Variants in NEURL1 observed in about 807,000 individuals in gnomAD.
The protein encoded by NEURL1 is neuralized E3 ubiquitin protein ligase 1.
Under a neutral mutation model 41.2 loss-of-function variants are expected in NEURL1, and 26 were observed. That is an observed-to-expected ratio of 0.63 (90% confidence interval 0.46 to 0.87). The LOEUF (loss-of-function observed/expected upper bound fraction) is 0.87. NEURL1 is among the 40% of genes least tolerant of loss of function. The pLI, the probability that NEURL1 is intolerant of heterozygous loss-of-function variation, is 0.00. For synonymous variants in NEURL1, 400 were observed against 402.3 expected (o/e 0.99, Z 0.07); for missense variants, 761 against 871.1 (o/e 0.87, Z 1.59).
intron 1 of NEURL1, among the ~76,000 whole-genome samples, chr10:103,533,090 C>T (rs904759207): frequency 6.6e-6 from 1 of 151,632 alleles, no homozygotes; most frequent in African/African-American, 2.4e-5. Flanking sequence ...CCATGCCTGG[C>T]TATTTTTTTT....
At chr10:103,536,530 G>A (rs1374237708) in intron 1 of NEURL1, among the ~76,000 whole-genome samples, 1 of 152,148 alleles carries the variant, frequency 6.6e-6, no homozygotes, top group East Asian at 1.9e-4. Flanking sequence ...GGTGACAAGA[G>A]CGAAACTGCA....
At chr10:103,513,519 G>A (rs1219404866) in intron 1 of NEURL1, among the ~76,000 whole-genome samples, 1 of 152,252 alleles carries the variant, frequency 6.6e-6, no homozygotes, top group African/African-American at 2.4e-5. Context: ...GCCCCTGCCA[G>A]GTTCACAGAC....
chr10:103,505,066 A>T (rs200245573), intron 1 of NEURL1, among the ~76,000 whole-genome samples: 7 of 81,580 alleles, frequency 8.6e-5, no homozygotes, highest in South Asian at 4.3e-4. Flanking sequence ...TTTTTTTTTT[A>T]AAGAAACAAA....
chr10:103,531,635 G>A (rs1223741725), intron 1 of NEURL1, among the ~76,000 whole-genome samples: 1 of 151,458 alleles, frequency 6.6e-6, no homozygotes, highest in Non-Finnish European at 1.5e-5. Flanking sequence ...TTGGGCTCAA[G>A]TGATCCTCCT....
At chr10:103,537,443 A>G (rs1391352305) in intron 1 of NEURL1, among the ~76,000 whole-genome samples, 3 of 152,144 alleles carry the variant, frequency 2.0e-5, no homozygotes, top group African/African-American at 7.2e-5. Flanking sequence ...TGTGTCACCC[A>G]GGCTGGAGTG....
At chr10:103,550,065 A>G (rs2035002519) in intron 1 of NEURL1, among the ~76,000 whole-genome samples, 1 of 152,176 alleles carries the variant, frequency 6.6e-6, no homozygotes, top group East Asian at 1.9e-4. Context: ...TCTATTCCCC[A>G]GTGAATTTGT....
At chr10:103,526,561 G>T (rs1205249233) in intron 1 of NEURL1, among the ~76,000 whole-genome samples, 3 of 151,934 alleles carry the variant, frequency 2.0e-5, no homozygotes, top group Non-Finnish European at 4.4e-5. Flanking sequence ...ACTCAGGCTG[G>T]AGTGCAGTGG....
Position 103,584,686 on chromosome 10 carries a change from C to G in NEURL1, c.800C>G (p.Pro267Arg). The G allele has an allele frequency of 7.0e-7, 1 of 1,432,078 alleles. No homozygotes were observed. The allele number at this position is 1,432,078 out of a possible 1,614,324, so 88.7% of individuals were successfully genotyped here. A position where few individuals can be genotyped will look rare whatever the true frequency, so the allele number is the denominator to read the frequency against. The change falls in exon 4 of 6, where the codon CCG becomes CGG. Residue 267 changes from proline (P) to arginine (R), a missense_variant. Pro to Arg is a moderately radical substitution (Grantham distance 103). This residue lies in a region of NEURL1 where 443 missense variants were observed against 408.1 expected (regional missense o/e 1.09). Transcript: ENST00000369780. ...VPGADGDEAA[P>R]AAGCPIPQNS... ...GGCGCGGACGGCGACGAGGCCGCGC[C>G]GGCCGCCGGCTGCCCCATCCCGCAG... is the stretch of plus-strand genomic sequence containing the variant.
intron 1 of NEURL1, among the ~76,000 whole-genome samples, chr10:103,507,525 C>T (rs1013171286): frequency 6.6e-6 from 1 of 152,084 alleles, no homozygotes; most frequent in South Asian, 2.1e-4. Flanking sequence ...GGAGAGGGAG[C>T]TGTTGGGGAG....
intron 1 of NEURL1, among the ~76,000 whole-genome samples, chr10:103,494,937 C>T (rs922160727): frequency 3.3e-5 from 5 of 152,180 alleles, no homozygotes; most frequent in Non-Finnish European, 1.5e-5. Context: ...TTACAGCAGC[C>T]TGGAAGAAAG....
At chr10:103,589,978 G>C (rs1320058784) in intron 5 of NEURL1, among the ~76,000 whole-genome samples, 156 bp from the exon 6 acceptor site, 2 of 152,202 alleles carry the variant, frequency 1.3e-5, no homozygotes, top group Non-Finnish European at 2.9e-5. Flanking sequence ...TCAGAGCTCA[G>C]CCTCTTCCCT....
intron 1 of NEURL1, among the ~76,000 whole-genome samples, chr10:103,500,454 T>C (rs2033797364): frequency 6.6e-6 from 1 of 152,180 alleles, no homozygotes. Flanking sequence ...GAGTTTATTA[T>C]TGTGATCGCT....
chr10:103,542,436 A>AT (rs941795063), intron 1 of NEURL1, among the ~76,000 whole-genome samples: 13 of 151,820 alleles, frequency 8.6e-5, no homozygotes, highest in African/African-American at 3.1e-4. Flanking sequence ...ATTTTTATTT[A>AT]TTTTTTTGTA....
chr10:103,548,574 C>T (rs1408739901), intron 1 of NEURL1, among the ~76,000 whole-genome samples: 1 of 152,276 alleles, frequency 6.6e-6, no homozygotes, highest in South Asian at 2.1e-4. Context: ...CTGCCCGCCT[C>T]GGCCTCCCAA....
intron 1 of NEURL1, among the ~76,000 whole-genome samples, chr10:103,562,797 A>G (rs138035178): frequency 2.3e-4 from 35 of 152,266 alleles, no homozygotes; most frequent in African/African-American, 7.9e-4. Context: ...AGAAAGGCAG[A>G]TATATAGGTG....
Position 103,584,696 on chromosome 10 carries a change from C to A in NEURL1, c.810C>A (p.Gly270=). Reference sequence around the variant, plus strand: ...GCGACGAGGCCGCGCCGGCCGCCGGCTGCCCCATCCCGCAGAACTCACTCA... The same window carrying A: ...GCGACGAGGCCGCGCCGGCCGCCGGATGCCCCATCCCGCAGAACTCACTCA... ...ADGDEAAPAA[G]CPIPQNSLNS... is the part of the protein sequence containing the mutation. The change falls in exon 4 of 6, where the codon GGC becomes GGA. Residue 270 remains glycine (G), a synonymous_variant. Transcript: ENST00000369780. 1 of 1,444,892 alleles carries A rather than the reference C, an allele frequency of 6.9e-7. No individual in the cohort carries two copies. Among genetic ancestry groups the A allele is most frequent in the Non-Finnish European group, 9.1e-7 (1 of 1,104,452 alleles). The allele number at this position is 1,444,892 out of a possible 1,614,324, so 89.5% of individuals were successfully genotyped here. A position where few individuals can be genotyped will look rare whatever the true frequency, so the allele number is the denominator to read the frequency against.
intron 1 of NEURL1, among the ~76,000 whole-genome samples, chr10:103,554,741 G>A (rs951839537): frequency 2.0e-5 from 3 of 152,192 alleles, no homozygotes; most frequent in Admixed American, 1.3e-4. Context: ...AACAGAGCCT[G>A]GAAGAAGACA....
At chr10:103,561,127 G>T (rs1379226995) in intron 1 of NEURL1, among the ~76,000 whole-genome samples, 1 of 152,238 alleles carries the variant, frequency 6.6e-6, no homozygotes, top group East Asian at 1.9e-4. Flanking sequence ...TCTCCATGGG[G>T]TGGCCCCACA....
Position 103,590,430 on chromosome 10 carries a change from C to A in NEURL1, c.*58C>A. ...TTCTCGGGCTTCAGCCCAGTCCCAG[C>A]TGAGGAACAAGCCAGTGGGGCCCCT... On this transcript the variant is annotated 3_prime_UTR_variant, in exon 6 of 6. Coordinates refer to ENST00000369780, the MANE Select transcript of NEURL1 (RefSeq NM_004210.5). 1 of 1,478,360 alleles carries A rather than the reference C, an allele frequency of 6.8e-7. No individual in the cohort carries two copies. The highest frequency in any genetic ancestry group is 9.4e-7 in the Non-Finnish European group (1 of 1,061,772). The allele number at this position is 1,478,360 out of a possible 1,614,324, so 91.6% of individuals were successfully genotyped here.
Sources: gnomAD v4.1 joint callset for allele counts (sites outside exome capture counted in the v4.1 genomes callset) on GRCh38, gnomAD v4.1.1 for gene constraint, gnomAD v4.1.1 regional missense constraint, MANE v1.5 for transcripts, NCBI Gene and HGNC (gene_info 2026-07-23, HGNC 2026-07-21) for gene names.